The following TMEM74 variants were observed in gnomAD, a reference collection of about 807,000 sequenced individuals.
TMEM74 encodes transmembrane protein 74.
TMEM74 carries 13 observed loss-of-function variants against 18.1 expected under a neutral mutation model. The observed-to-expected ratio is 0.72, with a 90% CI of 0.47 to 1.14. The LOEUF is 1.14. TMEM74 is among the 50% of genes most tolerant of loss of function. The pLI is 0.00. For synonymous variants in TMEM74, 159 were observed against 146.6 expected (o/e 1.08, Z -0.61); for missense variants, 372 against 375.9 (o/e 0.99, Z 0.09).
intron 1 of TMEM74, among the ~76,000 whole-genome samples, chr8:108,719,921 C>G (rs1813569481): frequency 5.3e-5 from 8 of 152,044 alleles, no homozygotes; most frequent in Admixed American, 5.2e-4. Context: ...GTATAATCTT[C>G]CACTGAAAAG....
intron 1 of TMEM74, among the ~76,000 whole-genome samples, chr8:108,764,074 T>C (rs958336400): frequency 1.3e-5 from 2 of 152,124 alleles, no homozygotes; most frequent in East Asian, 3.9e-4. Flanking sequence ...AAACTGCCAT[T>C]TCTACACATA....
intron 1 of TMEM74, among the ~76,000 whole-genome samples, chr8:108,715,033 T>A (rs934232417): frequency 6.6e-6 from 1 of 152,196 alleles, no homozygotes; most frequent in Non-Finnish European, 1.5e-5. Flanking sequence ...AAGCATTCTA[T>A]ATTGTATCTT....
intron 1 of TMEM74, among the ~76,000 whole-genome samples, chr8:108,659,823 A>G (rs1008935223): frequency 2.0e-5 from 3 of 152,094 alleles, no homozygotes; most frequent in African/African-American, 7.2e-5. Flanking sequence ...GTTTCTCCAC[A>G]GCTTCAGAGA....
intron 1 of TMEM74, among the ~76,000 whole-genome samples, chr8:108,744,492 G>C (rs1324519873): frequency 2.6e-5 from 4 of 152,164 alleles, no homozygotes; most frequent in Admixed American, 1.3e-4. Flanking sequence ...CAGGTATGAA[G>C]AAGGGCAGGT....
rs530602393 is a variant in TMEM74 at position 108,742,134 on chromosome 8, T to G, written n.119+45342A>C. 2.0e-5 allele frequency among the ~76,000 whole-genome samples: 3 copies of G among 151,798 alleles called. No individual in the cohort carries two copies. The East Asian group carries it at 5.8e-4, about 29-fold the overall frequency. On this transcript the variant is annotated intron_variant and non_coding_transcript_variant, in intron 1 of 3. Coordinates refer to the TMEM74 transcript ENST00000518838. ...ACACAAAGAAGGGAGCAACAGACAC[T>G]GGGGTCGGGTTGAGGGTGGGAGGAG...
chr8:108,646,343 G>A (rs1812717728), intron 2 of TMEM74, among the ~76,000 whole-genome samples: 1 of 152,000 alleles, frequency 6.6e-6, no homozygotes. Context: ...TAGACAATTA[G>A]CTAAATGTTT....
At chr8:108,617,188 A>T (rs1373705597) in intron 2 of TMEM74, among the ~76,000 whole-genome samples, 1 of 151,848 alleles carries the variant, frequency 6.6e-6, no homozygotes, top group African/African-American at 2.4e-5. Flanking sequence ...TGCAAACGCA[A>T]GCAGATGCAA....
chr8:108,714,830 G>A (rs1296915447), intron 1 of TMEM74, among the ~76,000 whole-genome samples: 2 of 152,156 alleles, frequency 1.3e-5, no homozygotes, highest in Non-Finnish European at 2.9e-5. Context: ...ATATACCATG[G>A]AATACCATGC....
intron 2 of TMEM74, among the ~76,000 whole-genome samples, chr8:108,649,610 G>A (rs932484779): frequency 1.3e-5 from 2 of 152,072 alleles, no homozygotes; most frequent in Non-Finnish European, 2.9e-5. Context: ...ACTTTCAAAG[G>A]CAAAAACCGC....
intron 1 of TMEM74, among the ~76,000 whole-genome samples, chr8:108,657,855 AAAAAATATATATATAT>A (rs1367552150): frequency 6.7e-5 from 4 of 60,136 alleles, no homozygotes; most frequent in Admixed American, 2.0e-4. Flanking sequence ...AAAAAAAAAA[AAAAAATATATATATAT>A]ATATATATAT....
intron 2 of TMEM74, among the ~76,000 whole-genome samples, chr8:108,646,504 G>A (rs1812721816): frequency 6.6e-6 from 1 of 152,028 alleles, no homozygotes; most frequent in Non-Finnish European, 1.5e-5. Context: ...AATTTGCATG[G>A]GTGAGTTCAT....
At chr8:108,624,305 C>T (rs1481967299) in intron 2 of TMEM74, among the ~76,000 whole-genome samples, 1 of 152,034 alleles carries the variant, frequency 6.6e-6, no homozygotes, top group African/African-American at 2.4e-5. Context: ...AATGCAATAA[C>T]CTACTGTTAA....
At chr8:108,741,909 T>C (rs1909026) in intron 1 of TMEM74, among the ~76,000 whole-genome samples, 58,473 of 151,968 alleles carry the variant, frequency 0.38, 12,820 homozygotes, top group African/African-American at 0.59. Context: ...ATGCCCATCA[T>C]TGACAGATTG....
intron 1 of TMEM74, among the ~76,000 whole-genome samples, chr8:108,767,042 A>G (rs1814116147): frequency 6.6e-6 from 1 of 152,200 alleles, no homozygotes; most frequent in Non-Finnish European, 1.5e-5. Flanking sequence ...TACCACTCCC[A>G]GTCCACTGAC....
At chr8:108,750,983 C>T (rs3019370) in intron 1 of TMEM74, among the ~76,000 whole-genome samples, 57,042 of 151,888 alleles carry the variant, frequency 0.38, 11,044 homozygotes, top group African/African-American at 0.45. Flanking sequence ...GCCCTATGAC[C>T]CTTAGTCAAA....
intron 1 of TMEM74, among the ~76,000 whole-genome samples, chr8:108,711,773 T>G (rs920996368): frequency 6.6e-6 from 1 of 152,110 alleles, no homozygotes; most frequent in Non-Finnish European, 1.5e-5. Context: ...TTCTTGAGGC[T>G]GTCAGGAGAA....
At chr8:108,702,003 A>G (rs1813340281) in intron 1 of TMEM74, among the ~76,000 whole-genome samples, 1 of 152,152 alleles carries the variant, frequency 6.6e-6, no homozygotes, top group Non-Finnish European at 1.5e-5. Context: ...ATTAAGCTTT[A>G]CTATAAAGGC....
intron 1 of TMEM74, among the ~76,000 whole-genome samples, chr8:108,678,891 C>T (rs537758887): frequency 0.011 from 1,494 of 135,700 alleles, 13 homozygotes; most frequent in Middle Eastern, 0.033. Flanking sequence ...ATGCCATCCT[C>T]CCCCCCTCCC....
At chr8:108,695,429 T>C (rs957655809) in intron 1 of TMEM74, among the ~76,000 whole-genome samples, 2 of 152,212 alleles carry the variant, frequency 1.3e-5, no homozygotes, top group African/African-American at 4.8e-5. Flanking sequence ...AAGGACCTTA[T>C]ATAGACCAGA....
Sources: allele counts gnomAD v4.1 joint callset (sites outside exome capture counted in the v4.1 genomes callset), GRCh38; gene constraint gnomAD v4.1.1; transcripts MANE v1.5; gene names NCBI Gene and HGNC (gene_info 2026-07-23, HGNC 2026-07-21).